Variants in SNTG1 observed in about 807,000 individuals in gnomAD.
SNTG1 encodes the protein syntrophin gamma 1.
SNTG1 carries 39 observed loss-of-function variants against 74.7 expected under a neutral mutation model. That is an observed-to-expected ratio of 0.52 (90% CI 0.40 to 0.68). The LOEUF (loss-of-function observed/expected upper bound fraction) is 0.68, where lower values mean the gene tolerates loss of function less well. Among genes scored for constraint, SNTG1 ranks in the 30% least tolerant of loss-of-function variants. The probability of loss-of-function intolerance (pLI) is 0.00; values close to 1 mark genes in which losing one functional copy is unlikely to be tolerated. For missense variants in SNTG1, 685 were observed against 609.5 expected (o/e 1.12, Z -1.30); for synonymous variants, 254 against 217.1 (o/e 1.17, Z -1.49).
At chr8:49,910,519 G>A (rs1478399037), upstream of SNTG1, among the ~76,000 whole-genome samples, 2 of 152,138 alleles carry the variant, frequency 1.3e-5, no homozygotes, top group Non-Finnish European at 2.9e-5. Context: ...CAGTTTCAAC[G>A]TTATGTATTT....
At chr8:50,641,223 C>G (rs1374823462) in intron 13 of SNTG1, among the ~76,000 whole-genome samples, 2 of 152,172 alleles carry the variant, frequency 1.3e-5, no homozygotes, top group Non-Finnish European at 2.9e-5. Flanking sequence ...CCAGTCTATT[C>G]TCTCCATTTC....
At chr8:50,429,932 G>A (rs1024444209) in intron 4 of SNTG1, among the ~76,000 whole-genome samples, 2 of 152,074 alleles carry the variant, frequency 1.3e-5, no homozygotes, top group African/African-American at 4.8e-5. Flanking sequence ...AATTAGGGTG[G>A]CTATAATCAC....
chr8:50,332,009 C>T (rs752415647), intron 2 of SNTG1, among the ~76,000 whole-genome samples: 1 of 152,126 alleles, frequency 6.6e-6, no homozygotes, highest in Non-Finnish European at 1.5e-5. Context: ...AATGGAATCA[C>T]AAAGGTGAAT....
intron 2 of SNTG1, among the ~76,000 whole-genome samples, chr8:50,349,696 T>C (rs1482489549): frequency 6.6e-6 from 1 of 152,216 alleles, no homozygotes; most frequent in East Asian, 1.9e-4. Context: ...TGTGATGCTA[T>C]GGGATTCTTT....
At chr8:50,140,062 G>A (rs895590107) in intron 1 of SNTG1, among the ~76,000 whole-genome samples, 5 of 152,192 alleles carry the variant, frequency 3.3e-5, no homozygotes. Context: ...CGCGAAACTT[G>A]CAATGTCATG....
At chr8:50,143,762 C>T (rs1016171158) in intron 1 of SNTG1, among the ~76,000 whole-genome samples, 3 of 152,086 alleles carry the variant, frequency 2.0e-5, no homozygotes, top group African/African-American at 7.2e-5. Flanking sequence ...GTCACATATT[C>T]CTGAGTACAA....
At position 50,071,291 on chromosome 8, in the gene SNTG1, T is replaced by C. The variant is rs536477274; in HGVS notation, c.-102-101270T>C. Among the ~76,000 whole-genome samples the C allele has an allele frequency of 2.0e-4, 30 of 152,278 alleles. No individual in the cohort carries two copies. In the South Asian group the frequency reaches 6.0e-3, roughly 31 times the overall value. ...ATAGCTCACTGCTGCCTTGAAAGCCTAGGCTCAAGCTATTCTCTTGCTTCA... is the reference window on the plus strand; with the variant it reads ...ATAGCTCACTGCTGCCTTGAAAGCCCAGGCTCAAGCTATTCTCTTGCTTCA... On this transcript the variant is annotated intron_variant, in intron 1 of 18. Transcript: ENST00000642720.
At chr8:50,042,280 C>T (rs1818701733) in intron 1 of SNTG1, among the ~76,000 whole-genome samples, 1 of 152,178 alleles carries the variant, frequency 6.6e-6, no homozygotes, top group Non-Finnish European at 1.5e-5. Context: ...TCCCCTCCAC[C>T]AATTCCCATC....
At chr8:50,626,748 T>A (rs886863376) in intron 13 of SNTG1, among the ~76,000 whole-genome samples, 1 of 152,134 alleles carries the variant, frequency 6.6e-6, no homozygotes. Context: ...CTCATTCTGA[T>A]AAACCCACAA....
chr8:50,765,831 T>A (rs1361808674), intron 18 of SNTG1, among the ~76,000 whole-genome samples: 1 of 151,924 alleles, frequency 6.6e-6, no homozygotes, highest in Non-Finnish European at 1.5e-5. Flanking sequence ...GACATTGTTA[T>A]GTAGGCTTAT....
chr8:50,208,208 T>C (rs1380003739), intron 2 of SNTG1, among the ~76,000 whole-genome samples: 3 of 152,152 alleles, frequency 2.0e-5, no homozygotes, highest in East Asian at 1.9e-4. Context: ...TCTAAGTCTC[T>C]TTGTAGGTCT....
intron 9 of SNTG1, among the ~76,000 whole-genome samples, chr8:50,528,306 C>G (rs2094238694): frequency 6.6e-6 from 1 of 151,922 alleles, no homozygotes; most frequent in South Asian, 2.1e-4. Context: ...GATAGAGGAG[C>G]ACATCTATTC....
chr8:50,626,382 T>C (rs1156659882), intron 13 of SNTG1, among the ~76,000 whole-genome samples: 1 of 152,110 alleles, frequency 6.6e-6, no homozygotes, highest in African/African-American at 2.4e-5. Context: ...ACCAGCTCGG[T>C]TGAGGAGACC....
intron 11 of SNTG1, among the ~76,000 whole-genome samples, chr8:50,548,981 G>A (rs2094407373): frequency 6.6e-6 from 1 of 152,112 alleles, no homozygotes; most frequent in Non-Finnish European, 1.5e-5. Context: ...GGTGTTAACT[G>A]ACTTGCAAGG....
chr8:50,379,987 A>G (rs1168429061), intron 2 of SNTG1, among the ~76,000 whole-genome samples: 3 of 152,228 alleles, frequency 2.0e-5, no homozygotes, highest in Non-Finnish European at 4.4e-5. Context: ...CTCTTGTCAG[A>G]GCACACATGC....
chr8:50,574,236 G>T (rs950573254), intron 12 of SNTG1, among the ~76,000 whole-genome samples: 2 of 151,914 alleles, frequency 1.3e-5, no homozygotes, highest in East Asian at 3.9e-4. Context: ...ATTTCAAACA[G>T]AATATGAAGA....
At chr8:50,741,298 T>C (rs1316903479) in intron 17 of SNTG1, among the ~76,000 whole-genome samples, 1 of 151,998 alleles carries the variant, frequency 6.6e-6, no homozygotes, top group African/African-American at 2.4e-5. Flanking sequence ...AGTTTTTGTA[T>C]TTTTAGTAGA....
At chr8:50,480,849 G>T (rs559265622) in intron 8 of SNTG1, among the ~76,000 whole-genome samples, 109 of 152,288 alleles carry the variant, frequency 7.2e-4, no homozygotes, top group Admixed American at 1.6e-3. Context: ...ATTACAGGTT[G>T]TGAAAATGAA....
chr8:50,245,643 A>G (rs1217685196), intron 2 of SNTG1, among the ~76,000 whole-genome samples: 1 of 152,018 alleles, frequency 6.6e-6, no homozygotes, highest in Non-Finnish European at 1.5e-5. Flanking sequence ...AGATTGCACC[A>G]CTGCACTTCA....
Sources: allele counts gnomAD v4.1 joint callset (sites outside exome capture counted in the v4.1 genomes callset), GRCh38; gene constraint gnomAD v4.1.1; transcripts MANE v1.5; gene names NCBI Gene and HGNC (gene_info 2026-07-23, HGNC 2026-07-21).